Variants in PGRMC2 observed in about 807,000 individuals in gnomAD.
PGRMC2 encodes progesterone receptor membrane component 2.
Under a neutral mutation model 19.3 loss-of-function variants are expected in PGRMC2, and 9 were observed. The observed-to-expected ratio is 0.47, with a 90% CI of 0.28 to 0.81. The LOEUF (loss-of-function observed/expected upper bound fraction) is 0.81. PGRMC2 is among the 40% of genes least tolerant of loss of function. The pLI is 0.11. For synonymous variants in PGRMC2, 157 were observed against 124.6 expected, an observed-to-expected ratio of 1.26 and a Z score of -1.73; for missense variants, 289 against 297.3, an observed-to-expected ratio of 0.97 and a Z score of 0.21.
At chr4:128,285,703 T>C (rs973434826) in intron 1 of PGRMC2, among the ~76,000 whole-genome samples, 5 of 152,240 alleles carry the variant, frequency 3.3e-5, no homozygotes, top group African/African-American at 9.6e-5. Flanking sequence ...GGGGAAAAGC[T>C]TGAACTAGGT....
At position 128,271,176 on chromosome 4, in the gene PGRMC2, A is replaced by C. The variant is rs2110557144; in HGVS notation, c.*140T>G. Reference sequence around the variant, plus strand: ...AATGTCTAGTTATTCAAATCTTCATAGTGAGATTAATTTATCTTGTACACA... The same window carrying C: ...AATGTCTAGTTATTCAAATCTTCATCGTGAGATTAATTTATCTTGTACACA... On this transcript the variant is annotated 3_prime_UTR_variant, in exon 3 of 3. Coordinates refer to ENST00000296425, the MANE Select transcript of PGRMC2 (RefSeq NM_006320.6). The C allele has an allele frequency of 4.0e-6, 2 of 503,278 alleles. No individual in the cohort carries two copies. Among genetic ancestry groups the C allele is most frequent in the South Asian group, 7.5e-5 (2 of 26,732 alleles). 31.2% of individuals were successfully genotyped at this position (503,278 alleles called of 1,614,324 possible).
intron 1 of PGRMC2, among the ~76,000 whole-genome samples, chr4:128,285,190 A>G (rs1760965529): frequency 6.6e-6 from 1 of 152,096 alleles, no homozygotes; most frequent in African/African-American, 2.4e-5. Flanking sequence ...CAATGGCGCA[A>G]TCTCGGCTCA....
At chr4:128,281,467 A>T (rs1297149701) in intron 1 of PGRMC2, among the ~76,000 whole-genome samples, 1 of 152,200 alleles carries the variant, frequency 6.6e-6, no homozygotes, top group Non-Finnish European at 1.5e-5. Context: ...AATACATCCA[A>T]ATCAGTAGAG....
At chr4:128,271,647 G>A (rs1421018915) in intron 2 of PGRMC2, among the ~76,000 whole-genome samples, 2 of 152,230 alleles carry the variant, frequency 1.3e-5, no homozygotes, top group Non-Finnish European at 1.5e-5. Flanking sequence ...GCAAGAGGGT[G>A]TTCTGTACCA....
At position 128,271,381 on chromosome 4, in the gene PGRMC2, G is replaced by A; in HGVS notation, c.607C>T (p.Pro203Ser). 1 of 1,600,656 alleles carries A rather than the reference G, an allele frequency of 6.2e-7. No individual in the cohort carries two copies. Among genetic ancestry groups the A allele is most frequent in the Non-Finnish European group, 8.6e-7 (1 of 1,168,192 alleles). ...GTATATTCTGATGGTTCTTCTCCTG[G>A]TTTTAGGAGTCTGCCTACATAATCA... Reference protein sequence around the residue: ...KYDYVGRLLKPGEEPSEYTDE... With the variant: ...KYDYVGRLLKSGEEPSEYTDE... The change falls in exon 3 of 3, where the codon CCA (proline) becomes TCA (serine). Residue 203 changes from proline to serine, a missense_variant. Physicochemically the swap from Pro to Ser is moderately conservative, Grantham distance 74. Transcript: ENST00000296425.
chr4:128,287,266 A>C (rs2110566702), intron 1 of PGRMC2, 107 bp downstream of exon 1: 1 of 1,317,192 alleles, frequency 7.6e-7, no homozygotes, highest in Non-Finnish European at 1.0e-6. Context: ...GGGGTCCCGG[A>C]GACGAGAAGG....
At chr4:128,286,780 A>G (rs1019414611) in intron 1 of PGRMC2, 11 of 396,776 alleles carry the variant, frequency 2.8e-5, no homozygotes, top group Non-Finnish European at 4.9e-5. Context: ...GGTGTTGCTT[A>G]TACGTCTGGA....
rs1470333899 is a variant in PGRMC2, at chr4:128,287,425, C to T, written c.366G>A (p.Ala122=). 1 of 1,613,016 alleles carries T rather than the reference C, an allele frequency of 6.2e-7. No homozygotes were observed. The highest frequency in any genetic ancestry group is 1.1e-5 in the South Asian group (1 of 91,034). The change falls in exon 1 of 3, where the codon GCG becomes GCA. Residue 122 remains alanine (A), a synonymous_variant. Coordinates refer to ENST00000296425, the MANE Select transcript of PGRMC2 (RefSeq NM_006320.6). The part of the protein sequence containing the change: ...DGSRNPRILL[A]VNGKVFDVTK... ...TCACGTCGAAGACTTTCCCATTGAC[C>T]GCGAGCAGGATGCGCGGGTTGCGGG...
chr4:128,272,364 T>G lies in PGRMC2; in HGVS notation c.572A>C (p.Lys191Thr), dbSNP rs772055492. 6 of 1,485,608 alleles carry G rather than the reference T, an allele frequency of 4.0e-6. No individual in the cohort carries two copies. The highest frequency in any genetic ancestry group is 4.5e-6 in the Non-Finnish European group (5 of 1,118,170). 92.0% of individuals were successfully genotyped at this position (1,485,608 alleles called of 1,614,324 possible). The change falls in exon 2 of 3, where the codon AAA (lysine) becomes ACA (threonine). Residue 191 changes from lysine to threonine, a missense_variant and splice_region_variant. Transcript: ENST00000296425. ...AGAATCCAACAAAATAAAAATACCT[T>G]TAAACTGCATTTCCCATTCTCGAAC... ...ESVREWEMQF[K>T]EKYDYVGRLL...
In PGRMC2 at chr4:128,287,796, C is replaced by T. The variant is rs1761013538; in HGVS notation, c.-6G>A. 2 of 1,508,684 alleles carry T rather than the reference C, an allele frequency of 1.3e-6. No homozygotes were observed. The highest frequency in any genetic ancestry group is 2.3e-5 in the East Asian group (1 of 43,450). The allele number at this position is 1,508,684 out of a possible 1,614,324, so 93.5% of individuals were successfully genotyped here. A position where few individuals can be genotyped will look rare whatever the true frequency, so the allele number is the denominator to read the frequency against. ...TCCCCATCACCAGCCGCCATCACTGCCCGCCAGCGCCTTCCTCCTCCTCCC... is the reference window on the plus strand; with the variant it reads ...TCCCCATCACCAGCCGCCATCACTGTCCGCCAGCGCCTTCCTCCTCCTCCC... On this transcript the variant is annotated 5_prime_UTR_variant, in exon 1 of 3. Coordinates refer to ENST00000296425, the MANE Select transcript of PGRMC2 (RefSeq NM_006320.6).
intron 1 of PGRMC2, among the ~76,000 whole-genome samples, chr4:128,283,977 ATTT>A (rs61702072): frequency 6.9e-6 from 1 of 144,684 alleles, no homozygotes; most frequent in Non-Finnish European, 1.5e-5. Flanking sequence ...TTTTATTTTT[ATTT>A]TTTTTTTTTT....
intron 1 of PGRMC2, among the ~76,000 whole-genome samples, chr4:128,281,661 G>GA (rs1003414107): frequency 1.3e-5 from 2 of 152,060 alleles, no homozygotes; most frequent in South Asian, 2.1e-4. Flanking sequence ...AATATTAAAT[G>GA]AAAAAATCCA....
At chr4:128,284,864 T>G (rs897671871) in intron 1 of PGRMC2, among the ~76,000 whole-genome samples, 4 of 152,350 alleles carry the variant, frequency 2.6e-5, no homozygotes, top group Non-Finnish European at 4.4e-5. Context: ...CTTATTACAT[T>G]TTCTATTAAT....
chr4:128,287,546 GC>G lies in PGRMC2; in HGVS notation c.244del (p.Ala82ProfsTer17). 1 of 1,494,680 alleles carries G rather than the reference GC, an allele frequency of 6.7e-7. No homozygotes were observed. Among genetic ancestry groups the G allele is most frequent in the Non-Finnish European group, 9.0e-7 (1 of 1,110,166 alleles). The allele number at this position is 1,494,680 out of a possible 1,614,324, so 92.6% of individuals were successfully genotyped here. On this transcript the variant is annotated frameshift_variant, in exon 1 of 3. Transcript: ENST00000296425. LOFTEE classifies it high-confidence loss of function. ...WVRWGRRGLG[A>X]GAGAGEESPA... ...GCTCTCCTCGCCCGCCCCGGCCCCGGCCCCCAGACCCCGCCGCCCCCAGCGC... is the reference window on the plus strand; with the variant it reads ...GCTCTCCTCGCCCGCCCCGGCCCCGGCCCCAGACCCCGCCGCCCCCAGCGC...
intron 1 of PGRMC2, among the ~76,000 whole-genome samples, chr4:128,273,802 T>G (rs1760767496): frequency 6.6e-6 from 1 of 152,250 alleles, no homozygotes; most frequent in African/African-American, 2.4e-5. Flanking sequence ...TTTGAGTTGC[T>G]AACAGCACTG....
At chr4:128,280,607 C>A (rs574222100) in intron 1 of PGRMC2, among the ~76,000 whole-genome samples, 8 of 152,004 alleles carry the variant, frequency 5.3e-5, no homozygotes, top group Non-Finnish European at 1.2e-4. Flanking sequence ...ATAATAAGGT[C>A]AATTTACATT....
At chr4:128,274,012 G>A (rs898354284) in intron 1 of PGRMC2, among the ~76,000 whole-genome samples, 5 of 151,974 alleles carry the variant, frequency 3.3e-5, no homozygotes, top group Admixed American at 6.6e-5. Flanking sequence ...TTGCTACATC[G>A]TATCACATGA....
chr4:128,282,786 G>C (rs192073049), intron 1 of PGRMC2, among the ~76,000 whole-genome samples: 17 of 152,270 alleles, frequency 1.1e-4, no homozygotes, highest in Admixed American at 9.8e-4. Context: ...CAAACACAGA[G>C]TTTCCAATTC....
At chr4:128,274,597 C>T (rs1189590309) in intron 1 of PGRMC2, among the ~76,000 whole-genome samples, 1 of 150,332 alleles carries the variant, frequency 6.7e-6, no homozygotes, top group Non-Finnish European at 1.5e-5. Context: ...ATTCTACACA[C>T]TTTGTGGCAA....
Sources: allele counts gnomAD v4.1 joint callset (sites outside exome capture counted in the v4.1 genomes callset), GRCh38; gene constraint gnomAD v4.1.1; transcripts MANE v1.5; gene names NCBI Gene and HGNC (gene_info 2026-07-23, HGNC 2026-07-21).